Variants in RNF135 observed in about 807,000 individuals in gnomAD.
RNF135 encodes the protein ring finger protein 135, also known as E3 ubiquitin-protein ligase RNF135.
Under a neutral mutation model 41.9 loss-of-function variants are expected in RNF135, and 46 were observed. That is an observed-to-expected ratio of 1.10 (90% CI 0.87 to 1.40). The LOEUF is 1.40. RNF135 is among the 40% of genes most tolerant of loss of function. The pLI, the probability that RNF135 is intolerant of heterozygous loss-of-function variation, is 0.00. For missense variants in RNF135, 539 were observed against 549.8 expected (o/e 0.98, Z 0.20); for synonymous variants, 238 against 223.8 (o/e 1.06, Z -0.57).
At chr17:30,995,344 C>A (rs1032788106) in intron 3 of RNF135, among the ~76,000 whole-genome samples, 1 of 151,676 alleles carries the variant, frequency 6.6e-6, no homozygotes, top group African/African-American at 2.4e-5. Flanking sequence ...GCTGAGATTG[C>A]GCCATCGCAC....
the RNF135 span, among the ~76,000 whole-genome samples, chr17:30,960,808 C>T: frequency 0.2 from 29,094 of 149,016 alleles, 9,005 homozygotes; most frequent in African/African-American, 0.66. Context: ...GGCGCAATCT[C>T]GGCTCGCTGC....
chr17:30,977,884 T>C (rs573195289), intron 1 of RNF135, among the ~76,000 whole-genome samples: 14 of 152,326 alleles, frequency 9.2e-5, no homozygotes, highest in East Asian at 3.9e-4. Context: ...TTCTTTTTGA[T>C]TGAAGTATTC....
At chr17:30,970,857 C>T (rs114763809), upstream of RNF135, 1,047 of 654,894 alleles carry the variant, frequency 1.6e-3, 10 homozygotes, top group African/African-American at 0.018. Context: ...CAAGAGGCCG[C>T]CACTGAAGGT....
intron 3 of RNF135, 73 bp from the exon 4 acceptor site, chr17:30,997,169 C>G: frequency 8.7e-7 from 1 of 1,148,842 alleles, no homozygotes; most frequent in Non-Finnish European, 1.3e-6. Context: ...TGTGCCTTGA[C>G]CATGATGTTT....
At chr17:30,982,727 T>C (rs1907245528) in intron 1 of RNF135, among the ~76,000 whole-genome samples, 1 of 152,110 alleles carries the variant, frequency 6.6e-6, no homozygotes, top group African/African-American at 2.4e-5. Flanking sequence ...TTCCCCCACT[T>C]CTCTCTGGCC....
intron 1 of RNF135, 52 bp downstream of exon 1, chr17:30,971,497 C>T (rs1303451026): frequency 7.0e-7 from 1 of 1,438,292 alleles, no homozygotes. Context: ...TGCCCGCCGC[C>T]TGACCCTTTC....
At position 30,997,472 on chromosome 17, in the gene RNF135, G is replaced by C. The variant is rs533434178; in HGVS notation, c.769+141G>C. The C allele has an allele frequency of 5.7e-5, 44 of 765,294 alleles. 1 individual carries two copies. The South Asian group carries it at 6.4e-4, about 11-fold the overall frequency. 47.4% of individuals were successfully genotyped at this position (765,294 alleles called of 1,614,324 possible). Reference sequence around the variant, plus strand: ...TTTGTTCCAGGTCCCTCCACGGGGGGAGCTGATTGCAAAGGCAAAGCAGGT... The same window carrying C: ...TTTGTTCCAGGTCCCTCCACGGGGGCAGCTGATTGCAAAGGCAAAGCAGGT... On this transcript the variant is annotated intron_variant, in intron 4 of 4. Coordinates refer to ENST00000328381, the MANE Select transcript of RNF135 (RefSeq NM_032322.4).
At chr17:30,963,255 T>C in the RNF135 span, among the ~76,000 whole-genome samples, 1 of 151,858 alleles carries the variant, frequency 6.6e-6, no homozygotes, top group Non-Finnish European at 1.5e-5. Flanking sequence ...ACTACAGGCA[T>C]GTGACACAGT....
intron 3 of RNF135, among the ~76,000 whole-genome samples, chr17:30,988,715 C>A (rs1332499604): frequency 2.1e-5 from 3 of 145,754 alleles, no homozygotes; most frequent in Non-Finnish European, 4.5e-5. Flanking sequence ...CGTGAGCCAC[C>A]GTGCCTGGCC....
At position 30,971,266 on chromosome 17, in the gene RNF135, G is replaced by A. The variant is rs2142650029; in HGVS notation, c.193G>A (p.Gly65Ser). ...CTGGGCCTGCCCCACTTGCCGCCAG[G>A]GCGCCGCGCAGCAGCCGCACCTGCG... ...RRWACPTCRQ[G>S]AAQQPHLRKN... Residue 65 changes from glycine to serine, a missense_variant, in exon 1 of 5, where the codon GGC (glycine) becomes AGC (serine). Gly to Ser is a moderately conservative substitution (Grantham distance 56). Transcript: ENST00000328381. 3 of 1,523,686 alleles carry A rather than the reference G, an allele frequency of 2.0e-6. No individual in the cohort carries two copies. The highest frequency in any genetic ancestry group is 5.2e-5 in the East Asian group (2 of 38,744). 94.4% of individuals were successfully genotyped at this position (1,523,686 alleles called of 1,614,324 possible). A position where few individuals can be genotyped will look rare whatever the true frequency, so the allele number is the denominator to read the frequency against.
At chr17:30,994,042 C>T (rs1047761604) in intron 3 of RNF135, 5 of 427,596 alleles carry the variant, frequency 1.2e-5, no homozygotes, top group East Asian at 1.0e-4. Flanking sequence ...TGGGCTCAAG[C>T]GATCCTCCTG....
upstream of RNF135, among the ~76,000 whole-genome samples, chr17:30,967,184 A>G (rs190247746): frequency 3.3e-5 from 5 of 152,168 alleles, no homozygotes; most frequent in Non-Finnish European, 5.9e-5. Flanking sequence ...TCAGGCCACC[A>G]TGCCCAGCTA....
intron 1 of RNF135, among the ~76,000 whole-genome samples, chr17:30,984,136 C>T (rs1433159239): frequency 6.6e-6 from 1 of 152,152 alleles, no homozygotes; most frequent in Non-Finnish European, 1.5e-5. Context: ...TTTTGATGCA[C>T]AAATGTTTAA....
At chr17:30,982,691 C>T (rs1320005693) in intron 1 of RNF135, among the ~76,000 whole-genome samples, 1 of 152,078 alleles carries the variant, frequency 6.6e-6, no homozygotes, top group Non-Finnish European at 1.5e-5. Flanking sequence ...CTTGCTCTGC[C>T]CTCTCCACCC....
chr17:30,972,867 CT>C (rs1317620444), intron 1 of RNF135: 1 of 152,338 alleles, frequency 6.6e-6, no homozygotes, highest in African/African-American at 2.4e-5. Flanking sequence ...CCTCTGCCCC[CT>C]GGGTTCAAGT....
upstream of RNF135, among the ~76,000 whole-genome samples, chr17:30,968,399 C>A (rs917925852): frequency 4.2e-5 from 4 of 94,838 alleles, no homozygotes; most frequent in Admixed American, 3.3e-4. Context: ...TTTTTTTTTT[C>A]TTTTGAGACA....
At chr17:30,979,658 G>A (rs1327405416) in intron 1 of RNF135, among the ~76,000 whole-genome samples, 2 of 133,488 alleles carry the variant, frequency 1.5e-5, no homozygotes, top group Admixed American at 7.3e-5. Flanking sequence ...GCCAGGCGGG[G>A]GGCTGATCCC....
chr17:30,999,170 A>G lies in RNF135; in HGVS notation c.1278A>G (p.Ile426Met). ...GCTTACATCCTGGAAATTACCTGAT[A>G]ATAAAGCAAGTAAAGGTGTAAGGTT... ...LYGLHPGNYL[I>M]IKQVKV Residue 426 changes from isoleucine to methionine, a missense_variant, in exon 5 of 5, where the codon ATA (isoleucine) becomes ATG (methionine). Physicochemically the swap from Ile to Met is conservative, Grantham distance 10. This residue lies in a region of RNF135 where 262 missense variants were observed against 336.9 expected (regional missense o/e 0.78). Coordinates refer to ENST00000328381, the MANE Select transcript of RNF135 (RefSeq NM_032322.4). 1 of 1,613,934 alleles carries G rather than the reference A, an allele frequency of 6.2e-7. No individual in the cohort carries two copies. The highest frequency in any genetic ancestry group is 8.5e-7 in the Non-Finnish European group (1 of 1,180,034).
intron 3 of RNF135, chr17:30,993,757 A>AT (rs970705219): frequency 2.1e-6 from 2 of 974,910 alleles, no homozygotes; most frequent in African/African-American, 1.8e-5. Flanking sequence ...TTTTTAAAAA[A>AT]TTTTTTTCCT....
Sources: gnomAD v4.1 joint callset for allele counts (sites outside exome capture counted in the v4.1 genomes callset) on GRCh38, gnomAD v4.1.1 for gene constraint, gnomAD v4.1.1 regional missense constraint, MANE v1.5 for transcripts, NCBI Gene and HGNC (gene_info 2026-07-23, HGNC 2026-07-21) for gene names.